The following GLIS3 variants were observed in gnomAD, a reference collection of about 807,000 sequenced individuals.
GLIS3 encodes the protein GLIS family zinc finger 3.
In GLIS3, 53 loss-of-function variants were observed where a neutral mutation model predicts 78.6. That is an observed-to-expected ratio of 0.67 (90% confidence interval 0.54 to 0.85). GLIS3 has a LOEUF of 0.85. Among genes scored for constraint, GLIS3 ranks in the 40% least tolerant of loss-of-function variants. GLIS3 has a pLI of 0.00. For missense variants in GLIS3, 1,703 were observed against 1,231.1 expected, an observed-to-expected ratio of 1.38 and a Z score of -5.74; for synonymous variants, 684 against 509.9, an observed-to-expected ratio of 1.34 and a Z score of -4.60.
At chr9:4,437,804 G>C in the GLIS3 span, among the ~76,000 whole-genome samples, 1 of 152,234 alleles carries the variant, frequency 6.6e-6, no homozygotes, top group Non-Finnish European at 1.5e-5. Context: ...GGACCTTTAA[G>C]ATGATCCACT....
At chr9:3,888,949 C>A (rs1321599168) in intron 7 of GLIS3, among the ~76,000 whole-genome samples, 2 of 152,072 alleles carry the variant, frequency 1.3e-5, no homozygotes, top group African/African-American at 2.4e-5. Flanking sequence ...ATGTGACATC[C>A]CTGTTAGAAT....
intron 4 of GLIS3, among the ~76,000 whole-genome samples, chr9:4,106,661 C>G (rs1830776551): frequency 1.3e-5 from 2 of 152,124 alleles, no homozygotes; most frequent in Non-Finnish European, 2.9e-5. Context: ...GCATTTATGA[C>G]CACATTGTGT....
At chr9:3,839,593 AAG>A (rs1028876272) in intron 9 of GLIS3, among the ~76,000 whole-genome samples, 2 of 151,856 alleles carry the variant, frequency 1.3e-5, no homozygotes, top group African/African-American at 4.8e-5. Flanking sequence ...CAAAAAAAAA[AAG>A]GGGGGAGAAG....
At chr9:4,426,918 A>G in the GLIS3 span, among the ~76,000 whole-genome samples, 1 of 152,230 alleles carries the variant, frequency 6.6e-6, no homozygotes, top group African/African-American at 2.4e-5. Flanking sequence ...CTTTGACTTC[A>G]GTTACTTATA....
chr9:4,484,229 T>G, the GLIS3 span, among the ~76,000 whole-genome samples: 1 of 146,198 alleles, frequency 6.8e-6, no homozygotes, highest in Non-Finnish European at 1.5e-5. Context: ...CAAACTAACT[T>G]TTTTTTTTTA....
chr9:4,396,215 C>A, the GLIS3 span, among the ~76,000 whole-genome samples: 1 of 151,854 alleles, frequency 6.6e-6, no homozygotes, highest in Admixed American at 6.6e-5. Context: ...GGGGTTTAAG[C>A]GATTCTTCTG....
chr9:4,172,174 G>A (rs1230581930), intron 2 of GLIS3, among the ~76,000 whole-genome samples: 2 of 152,214 alleles, frequency 1.3e-5, no homozygotes, highest in Middle Eastern at 3.4e-3. Flanking sequence ...AAATCCACAT[G>A]AATATGTATT....
the GLIS3 span, among the ~76,000 whole-genome samples, chr9:4,464,348 A>C: frequency 1.3e-5 from 2 of 151,204 alleles, no homozygotes; most frequent in Non-Finnish European, 3.0e-5. Context: ...TGTGATAGTA[A>C]TATTTTCTTT....
At chr9:4,070,513 T>TGTGTGC (rs1205667725) in intron 4 of GLIS3, among the ~76,000 whole-genome samples, 1 of 151,638 alleles carries the variant, frequency 6.6e-6, no homozygotes, top group Non-Finnish European at 1.5e-5. Flanking sequence ...TATTTGTGTG[T>TGTGTGC]GTGTGCGTGT....
the GLIS3 span, among the ~76,000 whole-genome samples, chr9:4,398,681 T>TTTCTTG: frequency 7.4e-4 from 113 of 151,992 alleles, no homozygotes; most frequent in South Asian, 0.021. Context: ...CTTAAGCTCT[T>TTTCTTG]TTGTTGTTGT....
chr9:4,086,819 A>T (rs1400829891), intron 4 of GLIS3, among the ~76,000 whole-genome samples: 2 of 152,194 alleles, frequency 1.3e-5, no homozygotes, highest in East Asian at 1.9e-4. Flanking sequence ...ACCCCTGTGG[A>T]GATTAATCTC....
Position 4,270,813 on chromosome 9 carries a change from T to C in GLIS3, c.388+15225A>G, listed in dbSNP as rs573275044. ...AGGTCTCCAGCTTGCTGACTGCAGATGGTAAGACTTCTCAGCCTCCTTTAC... is the reference window on the plus strand; with the variant it reads ...AGGTCTCCAGCTTGCTGACTGCAGACGGTAAGACTTCTCAGCCTCCTTTAC... On this transcript the variant is annotated intron_variant, in intron 2 of 10. Coordinates refer to ENST00000381971, the MANE Select transcript of GLIS3 (RefSeq NM_001042413.2). Among the ~76,000 whole-genome samples the C allele has an allele frequency of 5.7e-4, 87 of 152,278 alleles. 3 individuals carry two copies. The highest frequency in any genetic ancestry group is 4.6e-4 in the Admixed American group (7 of 15,282).
chr9:4,415,824 A>C, the GLIS3 span, among the ~76,000 whole-genome samples: 86,185 of 151,548 alleles, frequency 0.57, 25,690 homozygotes, highest in South Asian at 0.7. Context: ...ATTAGGTTTT[A>C]TACCAAAAAG....
At chr9:4,364,773 TTTTTTTA>T in the GLIS3 span, among the ~76,000 whole-genome samples, 10 of 134,668 alleles carry the variant, frequency 7.4e-5, no homozygotes, top group Middle Eastern at 7.2e-3. Flanking sequence ...TTTTTTTTTT[TTTTTTTA>T]AAGAGACAGG....
At chr9:4,274,450 G>T (rs1243939824) in intron 2 of GLIS3, among the ~76,000 whole-genome samples, 1 of 151,992 alleles carries the variant, frequency 6.6e-6, no homozygotes, top group Non-Finnish European at 1.5e-5. Context: ...GAGCCTCACT[G>T]GCAATTGGGC....
At chr9:4,440,430 A>G in the GLIS3 span, among the ~76,000 whole-genome samples, 3 of 152,320 alleles carry the variant, frequency 2.0e-5, no homozygotes, top group African/African-American at 7.2e-5. Context: ...CAATTTATGG[A>G]AAAGACTGAC....
the GLIS3 span, among the ~76,000 whole-genome samples, chr9:4,480,154 A>G: frequency 6.8e-6 from 1 of 147,424 alleles, no homozygotes; most frequent in African/African-American, 2.5e-5. Flanking sequence ...TGTCTTTCTT[A>G]CACTACAGAA....
chr9:4,214,448 A>G (rs1206540139), intron 2 of GLIS3, among the ~76,000 whole-genome samples: 1 of 152,192 alleles, frequency 6.6e-6, no homozygotes, highest in Non-Finnish European at 1.5e-5. Context: ...TGTGTGCGGT[A>G]ACATTCACCC....
chr9:3,961,059 A>T (rs910002731), intron 4 of GLIS3, among the ~76,000 whole-genome samples: 1 of 152,168 alleles, frequency 6.6e-6, no homozygotes, highest in African/African-American at 2.4e-5. Flanking sequence ...AGAGCCACAG[A>T]CTTTTCTTCT....
Sources: gnomAD v4.1 joint callset for allele counts (sites outside exome capture counted in the v4.1 genomes callset) on GRCh38, gnomAD v4.1.1 for gene constraint, MANE v1.5 for transcripts, NCBI Gene and HGNC (gene_info 2026-07-23, HGNC 2026-07-21) for gene names.